The following SUCLG2 variants were observed in gnomAD, a reference collection of about 807,000 sequenced individuals.
SUCLG2 encodes succinate-CoA ligase GDP-forming subunit beta.
SUCLG2 carries 42 observed loss-of-function variants against 47.9 expected under a neutral mutation model. The ratio of observed to expected loss-of-function variants is 0.88; its 90% CI spans 0.69 to 1.14. SUCLG2 has a LOEUF of 1.14. Ranked by LOEUF, SUCLG2 falls within the 50% of genes most tolerant of loss-of-function variation. The pLI, the probability that SUCLG2 is intolerant of heterozygous loss-of-function variation, is 0.00. For missense variants in SUCLG2, 571 were observed against 525.9 expected (o/e 1.09, Z -0.84); for synonymous variants, 195 against 197.3 (o/e 0.99, Z 0.10).
chr3:67,482,319 T>A (rs188570013), intron 9 of SUCLG2, among the ~76,000 whole-genome samples: 81 of 152,288 alleles, frequency 5.3e-4, no homozygotes, highest in African/African-American at 1.9e-3. Flanking sequence ...GGCTTCACTT[T>A]CCGTCCTATA....
At chr3:67,552,528 G>C (rs1255030585) in intron 2 of SUCLG2, among the ~76,000 whole-genome samples, 1 of 152,216 alleles carries the variant, frequency 6.6e-6, no homozygotes, top group Non-Finnish European at 1.5e-5. Context: ...CTGCAACACT[G>C]TTACTGCAGA....
intron 2 of SUCLG2, among the ~76,000 whole-genome samples, chr3:67,565,750 C>T (rs1005349812): frequency 2.6e-5 from 4 of 152,192 alleles, no homozygotes; most frequent in Non-Finnish European, 4.4e-5. Context: ...TCATTCACAA[C>T]GTATCCCTAG....
intron 8 of SUCLG2, among the ~76,000 whole-genome samples, chr3:67,496,290 G>T (rs1705336702): frequency 6.6e-6 from 1 of 152,182 alleles, no homozygotes; most frequent in Non-Finnish European, 1.5e-5. Flanking sequence ...AAGCTTAAGA[G>T]AATCAGGAGG....
chr3:67,541,060 A>G (rs1195852665), intron 2 of SUCLG2, among the ~76,000 whole-genome samples: 2 of 152,236 alleles, frequency 1.3e-5, no homozygotes, highest in Non-Finnish European at 2.9e-5. Context: ...GGTGACCAAC[A>G]TCAAAGACCA....
chr3:67,535,398 CA>C (rs1706512567), intron 2 of SUCLG2, among the ~76,000 whole-genome samples: 1 of 151,858 alleles, frequency 6.6e-6, no homozygotes, highest in African/African-American at 2.4e-5. Context: ...AAGTGGATGG[CA>C]AAGGAGGAGC....
chr3:67,636,085 A>T (rs2107359950), intron 1 of SUCLG2, among the ~76,000 whole-genome samples: 1 of 152,312 alleles, frequency 6.6e-6, no homozygotes. Context: ...ACACTAACTC[A>T]TGAACAGGGA....
intron 2 of SUCLG2, among the ~76,000 whole-genome samples, chr3:67,595,850 T>G (rs1450044157): frequency 2.0e-5 from 3 of 152,228 alleles, no homozygotes; most frequent in Admixed American, 6.5e-5. Flanking sequence ...AGATCAATAT[T>G]TGATGAGAGC....
intron 1 of SUCLG2, among the ~76,000 whole-genome samples, chr3:67,639,721 C>T (rs1701067333): frequency 6.6e-6 from 1 of 152,164 alleles, no homozygotes; most frequent in South Asian, 2.1e-4. Flanking sequence ...TTTAATAACA[C>T]ACCCTTCTCA....
At chr3:67,559,808 A>C (rs79948479) in intron 2 of SUCLG2, among the ~76,000 whole-genome samples, 1,605 of 152,280 alleles carry the variant, frequency 0.011, 20 homozygotes, top group East Asian at 0.051. Context: ...AAATATATAT[A>C]ATTAGACATT....
At chr3:67,563,282 T>C (rs755136272) in intron 2 of SUCLG2, among the ~76,000 whole-genome samples, 16 of 152,102 alleles carry the variant, frequency 1.1e-4, no homozygotes, top group Non-Finnish European at 2.1e-4. Context: ...TGAAAAACAG[T>C]ATGGTCTCTT....
chr3:67,564,173 C>A (rs933444845), intron 2 of SUCLG2, among the ~76,000 whole-genome samples: 1 of 152,190 alleles, frequency 6.6e-6, no homozygotes, highest in African/African-American at 2.4e-5. Flanking sequence ...CTCTTTCCTT[C>A]TGTAAACAGA....
chr3:67,497,182 C>A (rs965394545), intron 8 of SUCLG2, among the ~76,000 whole-genome samples: 1 of 152,130 alleles, frequency 6.6e-6, no homozygotes, highest in South Asian at 2.1e-4. Flanking sequence ...TTTGGTATCA[C>A]TTGTAATTGG....
intron 4 of SUCLG2, among the ~76,000 whole-genome samples, chr3:67,526,176 T>C (rs187239935): frequency 1.3e-5 from 2 of 152,314 alleles, no homozygotes; most frequent in East Asian, 1.9e-4. Flanking sequence ...AGCCCTTTTA[T>C]AAAGCACTAC....
intron 1 of SUCLG2, among the ~76,000 whole-genome samples, chr3:67,643,763 G>T (rs543159721): frequency 6.6e-6 from 1 of 152,064 alleles, no homozygotes; most frequent in Non-Finnish European, 1.5e-5. Context: ...TGCAACCTCC[G>T]CCTCCCAGGT....
At chr3:67,585,781 G>T (rs1448717613) in intron 2 of SUCLG2, among the ~76,000 whole-genome samples, 2 of 151,842 alleles carry the variant, frequency 1.3e-5, no homozygotes, top group South Asian at 2.1e-4. Flanking sequence ...TGGCTGACAT[G>T]GCAAAACCCC....
intron 10 of SUCLG2, among the ~76,000 whole-genome samples, chr3:67,366,103 A>G (rs868123762): frequency 5.3e-5 from 8 of 152,154 alleles, no homozygotes; most frequent in Admixed American, 1.3e-4. Flanking sequence ...ATACATGAAC[A>G]TGTGGTATGA....
chr3:67,399,246 T>C (rs1162987291), intron 10 of SUCLG2, among the ~76,000 whole-genome samples: 1 of 152,232 alleles, frequency 6.6e-6, no homozygotes, highest in Non-Finnish European at 1.5e-5. Context: ...TGTTTGATAC[T>C]CTTTGTGACC....
intron 10 of SUCLG2, among the ~76,000 whole-genome samples, chr3:67,393,136 G>C (rs113622733): frequency 0.072 from 10,934 of 152,262 alleles, 387 homozygotes; most frequent in Middle Eastern, 0.14. Flanking sequence ...GAGGTACCGG[G>C]TTCATCTCAC....
At chr3:67,386,336 T>G (rs941004812) in intron 10 of SUCLG2, among the ~76,000 whole-genome samples, 3 of 151,860 alleles carry the variant, frequency 2.0e-5, no homozygotes, top group African/African-American at 7.3e-5. Context: ...GACCTCATTA[T>G]CCACCTGAAT....
Sources: allele counts gnomAD v4.1 joint callset (sites outside exome capture counted in the v4.1 genomes callset), GRCh38; gene constraint gnomAD v4.1.1; transcripts MANE v1.5; gene names NCBI Gene and HGNC (gene_info 2026-07-23, HGNC 2026-07-21).